Variants in NPAS2 observed in about 807,000 individuals in gnomAD.
NPAS2 encodes the protein neuronal PAS domain-containing protein 2.
A neutral mutation model predicts 107.5 loss-of-function variants in NPAS2; 23 were observed. That is an observed-to-expected ratio of 0.21 (90% CI 0.15 to 0.30). The LOEUF is 0.30. Ranked by LOEUF, NPAS2 falls within the 10% of genes least tolerant of loss-of-function variation. The pLI is 1.00. For synonymous variants in NPAS2, 403 were observed against 417.5 expected (o/e 0.97, Z 0.42); for missense variants, 756 against 1,043.3 (o/e 0.72, Z 3.79).
In NPAS2 at chr2:100,893,647, G is replaced by C. The variant is rs1681225707; in HGVS notation, c.-22-11086G>C. Among the ~76,000 whole-genome samples the C allele has an allele frequency of 3.9e-5, 6 of 152,334 alleles. 1 individual carries two copies. The South Asian group carries it at 1.2e-3, about 32-fold the overall frequency. On this transcript the variant is annotated intron_variant, in intron 1 of 20. Coordinates refer to ENST00000335681, the MANE Select transcript of NPAS2 (RefSeq NM_002518.4). ...CTTTACAAAAAATTCTAAATTAAAA[G>C]ACACTGAAGAGGAAAGTTTAGTCAT...
At chr2:100,860,559 G>C (rs376179927) in intron 1 of NPAS2, among the ~76,000 whole-genome samples, 1 of 152,272 alleles carries the variant, frequency 6.6e-6, no homozygotes, top group African/African-American at 2.4e-5. Context: ...GTTGCCAAAT[G>C]GTAAGTTTCT....
chr2:100,979,502 A>ATATATATATATATATATATATATATATT, intron 15 of NPAS2, among the ~76,000 whole-genome samples: 1 of 43,334 alleles, frequency 2.3e-5, no homozygotes, highest in East Asian at 5.8e-4. Context: ...ATATATATAT[A>ATATATATATATATATATATATATATATT]TTTTTTTTTT....
chr2:100,958,328 T>G lies in NPAS2; in HGVS notation c.599-5730T>G, dbSNP rs1675702647. 2.0e-5 allele frequency among the ~76,000 whole-genome samples: 3 copies of G among 152,318 alleles called. No individual in the cohort carries two copies. The South Asian group carries it at 6.2e-4, about 32-fold the overall frequency. On this transcript the variant is annotated intron_variant, in intron 7 of 20. Coordinates refer to ENST00000335681, the MANE Select transcript of NPAS2 (RefSeq NM_002518.4). ...CTCATTTTATGGCTTTGGGGTGGTT[T>G]GAATTTTTTCCTTGCTGAGCTTAAT...
intron 5 of NPAS2, among the ~76,000 whole-genome samples, chr2:100,945,169 A>G (rs1558897442): frequency 6.6e-6 from 1 of 152,138 alleles, no homozygotes; most frequent in Non-Finnish European, 1.5e-5. Flanking sequence ...CCATAAAGAT[A>G]AAGACCGGTG....
chr2:100,941,729 C>T (rs921925346), intron 5 of NPAS2, among the ~76,000 whole-genome samples: 1 of 152,124 alleles, frequency 6.6e-6, no homozygotes, highest in Non-Finnish European at 1.5e-5. Context: ...GGGAGAGATC[C>T]AAGGGGCATG....
intron 1 of NPAS2, among the ~76,000 whole-genome samples, chr2:100,845,313 G>A (rs755355467): frequency 2.6e-4 from 40 of 152,332 alleles, no homozygotes; most frequent in Admixed American, 5.9e-4. Flanking sequence ...CAAGTCTGAC[G>A]TGGAGCAGGC....
chr2:100,971,945 T>C (rs1676596743), intron 12 of NPAS2, among the ~76,000 whole-genome samples: 1 of 144,118 alleles, frequency 6.9e-6, no homozygotes, highest in African/African-American at 2.6e-5. Context: ...GAATTTTTCT[T>C]TTTTTTTTTT....
rs747375488 is a variant in NPAS2, at chr2:100,988,159, G to A, written c.1710G>A (p.Arg570=). ...AGGCTCAGCAGCAGCTACAGCAAAG[G>A]TCAGCTGCAGTGACTCAGCCCCAGC... ...RPEAQQQLQQ[R]SAAVTQPQLG... is the part of the protein sequence containing the mutation. The change falls in exon 17 of 21, where the codon AGG becomes AGA. Residue 570 remains arginine (R), a synonymous_variant. Transcript: ENST00000335681. The A allele has an allele frequency of 3.1e-6, 5 of 1,614,090 alleles. No homozygotes were observed. The highest frequency in any genetic ancestry group is 4.2e-6 in the Non-Finnish European group (5 of 1,180,028).
Position 100,996,126 on chromosome 2 carries a change from A to C in NPAS2, c.*544A>C. ...TTAGGCACTTTCTGTTTTTTTTAAAAAAATAATAAGGTCTCATGGCTTCAT... is the reference window on the plus strand; with the variant it reads ...TTAGGCACTTTCTGTTTTTTTTAAACAAATAATAAGGTCTCATGGCTTCAT... On this transcript the variant is annotated 3_prime_UTR_variant, in exon 21 of 21. Coordinates refer to ENST00000335681, the MANE Select transcript of NPAS2 (RefSeq NM_002518.4). 2.6e-6 allele frequency: 1 copy of C among 386,464 alleles called. No individual in the cohort carries two copies. The highest frequency in any genetic ancestry group is 4.1e-6 in the Non-Finnish European group (1 of 241,248). The allele number at this position is 386,464 out of a possible 1,614,324, so 23.9% of individuals were successfully genotyped here. A position where few individuals can be genotyped will look rare whatever the true frequency, so the allele number is the denominator to read the frequency against.
At chr2:100,902,585 G>A (rs1160080776) in intron 1 of NPAS2, among the ~76,000 whole-genome samples, 1 of 152,220 alleles carries the variant, frequency 6.6e-6, no homozygotes, top group Non-Finnish European at 1.5e-5. Context: ...CTTGTTGAAT[G>A]AATAGTTTAT....
intron 1 of NPAS2, among the ~76,000 whole-genome samples, chr2:100,841,718 C>T (rs1462054802): frequency 6.6e-6 from 1 of 152,124 alleles, no homozygotes. Flanking sequence ...CATATACAAA[C>T]ATGCATATAC....
At chr2:100,985,358 CATCT>C (rs747627492) in intron 16 of NPAS2, 2 of 152,868 alleles carry the variant, frequency 1.3e-5, no homozygotes, top group African/African-American at 4.8e-5. Flanking sequence ...TCCATCCATC[CATCT>C]GACAGACACC....
chr2:100,995,519 A>G lies in NPAS2; in HGVS notation c.2412A>G (p.Leu804=), dbSNP rs571225646. 1.1e-4 allele frequency: 182 copies of G among 1,613,160 alleles called. 1 individual carries two copies. The South Asian group carries it at 1.9e-3, about 16-fold the overall frequency. The change falls in exon 21 of 21, where the codon CTA becomes CTG. Residue 804 remains leucine, a synonymous_variant. Transcript: ENST00000335681. ...CACCCCCAGCACAGCCCCAGCCCCT[A>G]CGTCCTCCCCGAAGGGTCAGCAGTC... ...PQPPPAQPQP[L]RPPRRVSSLS... is the part of the protein sequence containing the mutation.
intron 7 of NPAS2, among the ~76,000 whole-genome samples, chr2:100,961,934 T>C (rs1480991211): frequency 1.3e-5 from 2 of 152,230 alleles, no homozygotes; most frequent in Non-Finnish European, 2.9e-5. Context: ...ATTTTATTAG[T>C]CATTATCTGG....
At chr2:100,981,663 G>A (rs976107268) in intron 15 of NPAS2, among the ~76,000 whole-genome samples, 6 of 152,090 alleles carry the variant, frequency 3.9e-5, no homozygotes, top group Non-Finnish European at 7.4e-5. Flanking sequence ...TTTCCGAGAC[G>A]TGCATAGTAG....
At chr2:100,884,522 G>A (rs1409901207) in intron 1 of NPAS2, among the ~76,000 whole-genome samples, 1 of 152,164 alleles carries the variant, frequency 6.6e-6, no homozygotes, top group Non-Finnish European at 1.5e-5. Flanking sequence ...CTGCTGTGAT[G>A]CCATGTGACA....
intron 1 of NPAS2, among the ~76,000 whole-genome samples, chr2:100,831,900 T>G (rs1676764348): frequency 6.6e-6 from 1 of 152,132 alleles, no homozygotes; most frequent in Non-Finnish European, 1.5e-5. Flanking sequence ...TTTTCTATTC[T>G]CTCAAACCTG....
intron 1 of NPAS2, among the ~76,000 whole-genome samples, chr2:100,854,322 G>A (rs1678420505): frequency 6.6e-6 from 1 of 152,174 alleles, no homozygotes; most frequent in South Asian, 2.1e-4. Context: ...CCAAGCCTAA[G>A]TGGCTTAAGG....
rs1471685207 is a variant in NPAS2 at position 100,965,097 on chromosome 2, G to A, written c.800+154G>A. Among the ~76,000 whole-genome samples, 1 of 152,200 alleles carries A rather than the reference G, an allele frequency of 6.6e-6. No individual in the cohort carries two copies. On this transcript the variant is annotated intron_variant, in intron 9 of 20. Transcript: ENST00000335681. This position sits in a 1 kb window ranked among gnomAD's most constrained non-coding sequence, Gnocchi z 4.3. Reference sequence around the variant, plus strand: ...AAGTCGTCCCTGCCAAGGGTGGGTGGTTTCCCTCCAACTTCATCTGCCCCA... The same window carrying A: ...AAGTCGTCCCTGCCAAGGGTGGGTGATTTCCCTCCAACTTCATCTGCCCCA...
Sources: allele counts gnomAD v4.1 joint callset (sites outside exome capture counted in the v4.1 genomes callset), GRCh38; gene constraint gnomAD v4.1.1; non-coding constraint Gnocchi (gnomAD v3.1); transcripts MANE v1.5; gene names NCBI Gene and HGNC (gene_info 2026-07-23, HGNC 2026-07-21).